Variants in TMEM74 observed in about 807,000 individuals in gnomAD.
TMEM74 encodes transmembrane protein 74.
Under a neutral mutation model 18.1 loss-of-function variants are expected in TMEM74, and 13 were observed. The ratio of observed to expected loss-of-function variants is 0.72; its 90% CI spans 0.47 to 1.14. The LOEUF (loss-of-function observed/expected upper bound fraction) is 1.14. Among genes scored for constraint, TMEM74 ranks in the 50% most tolerant of loss-of-function variants. The pLI, the probability that TMEM74 is intolerant of heterozygous loss-of-function variation, is 0.00. For synonymous variants in TMEM74, 159 were observed against 146.6 expected (o/e 1.08, Z -0.61); for missense variants, 372 against 375.9 (o/e 0.99, Z 0.09).
chr8:108,781,049 T>G lies in TMEM74; in HGVS notation c.*3132A>C, dbSNP rs908458170. 1.3e-5 allele frequency among the ~76,000 whole-genome samples: 2 copies of G among 150,506 alleles called. No homozygotes were observed. Among genetic ancestry groups the G allele is most frequent in the African/African-American group, 4.9e-5 (2 of 40,890 alleles). On this transcript the variant is annotated 3_prime_UTR_variant, in exon 2 of 2. Transcript: ENST00000297459. Reference sequence around the variant, plus strand: ...CAGTAATAAAGGAGAAAGACAGCTTTCTTTCTGTAACTCACCCCATTGGGC... The same window carrying G: ...CAGTAATAAAGGAGAAAGACAGCTTGCTTTCTGTAACTCACCCCATTGGGC...
chr8:108,630,760 A>C (rs969949682), intron 2 of TMEM74, among the ~76,000 whole-genome samples: 1 of 152,086 alleles, frequency 6.6e-6, no homozygotes, highest in Admixed American at 6.6e-5. Context: ...GGCAGAAATC[A>C]AAAAGTTCTT....
intron 1 of TMEM74, among the ~76,000 whole-genome samples, chr8:108,751,550 A>G (rs974244934): frequency 2.6e-5 from 4 of 152,168 alleles, no homozygotes; most frequent in Non-Finnish European, 5.9e-5. Context: ...TTACAAATTT[A>G]TATGTAAAAA....
intron 1 of TMEM74, among the ~76,000 whole-genome samples, chr8:108,733,999 T>C (rs1248731301): frequency 6.6e-6 from 1 of 152,232 alleles, no homozygotes; most frequent in African/African-American, 2.4e-5. Flanking sequence ...TCAACCTGAC[T>C]GGATTAAGGG....
chr8:108,629,366 C>G lies in TMEM74; in HGVS notation n.265-20540G>C, dbSNP rs139360009. 3.3e-5 allele frequency among the ~76,000 whole-genome samples: 5 copies of G among 152,062 alleles called. No homozygotes were observed. In the East Asian group the frequency reaches 9.7e-4, roughly 30 times the overall value. On this transcript the variant is annotated intron_variant and non_coding_transcript_variant, in intron 2 of 3. Transcript: ENST00000518838. ...ACCAAGCCTATGATTGATTGGTATA[C>G]CTGAAAGTGACAGGGAGAATGGAAC...
chr8:108,675,021 C>A (rs1029958870), intron 1 of TMEM74, among the ~76,000 whole-genome samples: 3 of 152,128 alleles, frequency 2.0e-5, no homozygotes, highest in Admixed American at 6.5e-5. Flanking sequence ...GGAGTTAATA[C>A]CCTTAGCCTT....
chr8:108,622,757 A>G (rs962879617), intron 2 of TMEM74, among the ~76,000 whole-genome samples: 1 of 152,130 alleles, frequency 6.6e-6, no homozygotes, highest in African/African-American at 2.4e-5. Context: ...AATCTATCTG[A>G]ATAAAAACAG....
At chr8:108,761,565 T>C (rs1814044556) in intron 1 of TMEM74, among the ~76,000 whole-genome samples, 1 of 152,130 alleles carries the variant, frequency 6.6e-6, no homozygotes, top group African/African-American at 2.4e-5. Flanking sequence ...CTTATTCGTG[T>C]TCAGGAAAAT....
At chr8:108,701,221 C>T (rs185376573) in intron 1 of TMEM74, among the ~76,000 whole-genome samples, 171 of 151,424 alleles carry the variant, frequency 1.1e-3, no homozygotes, top group Middle Eastern at 6.8e-3. Flanking sequence ...AAACAACTCT[C>T]TACAAGCTAG....
chr8:108,747,520 G>A (rs1000247759), intron 1 of TMEM74, among the ~76,000 whole-genome samples: 6 of 151,880 alleles, frequency 4.0e-5, no homozygotes, highest in African/African-American at 1.5e-4. Flanking sequence ...ATGATCTCCA[G>A]CAGCAGAAGC....
At chr8:108,627,644 T>C (rs574231370) in intron 2 of TMEM74, among the ~76,000 whole-genome samples, 1 of 152,138 alleles carries the variant, frequency 6.6e-6, no homozygotes, top group East Asian at 1.9e-4. Flanking sequence ...CCTTTTGCAA[T>C]GTGGTCACTA....
chr8:108,628,483 T>G (rs898791037), intron 2 of TMEM74, among the ~76,000 whole-genome samples: 1 of 152,094 alleles, frequency 6.6e-6, no homozygotes, highest in Non-Finnish European at 1.5e-5. Flanking sequence ...TATGGCTGCA[T>G]AGTATTTTAT....
At chr8:108,692,426 T>G (rs1813240541) in intron 1 of TMEM74, among the ~76,000 whole-genome samples, 1 of 152,194 alleles carries the variant, frequency 6.6e-6, no homozygotes, top group South Asian at 2.1e-4. Flanking sequence ...ACCAATCCCA[T>G]TTTGTTCTCT....
chr8:108,627,550 A>T (rs1241510758), intron 2 of TMEM74, among the ~76,000 whole-genome samples: 2 of 152,070 alleles, frequency 1.3e-5, no homozygotes, highest in Non-Finnish European at 2.9e-5. Flanking sequence ...TAAGCACTCA[A>T]TAGAGTTTAA....
intron 1 of TMEM74, among the ~76,000 whole-genome samples, chr8:108,743,995 C>T (rs143907072): frequency 2.4e-3 from 370 of 151,962 alleles, no homozygotes; most frequent in Non-Finnish European, 3.7e-3. Flanking sequence ...ATCCTATTTT[C>T]TTAGCTGAAG....
chr8:108,669,653 A>ACTG (rs34115884), intron 1 of TMEM74, among the ~76,000 whole-genome samples: 109,534 of 151,740 alleles, frequency 0.72, 40,036 homozygotes, highest in East Asian at 0.99. Context: ...TATATACTTG[A>ACTG]CTATTTCCAT....
At position 108,782,759 on chromosome 8, in the gene TMEM74, C is replaced by G. The variant is rs978758853; in HGVS notation, c.*1422G>C. Among the ~76,000 whole-genome samples, 2 of 152,168 alleles carry G rather than the reference C, an allele frequency of 1.3e-5. No individual in the cohort carries two copies. Among genetic ancestry groups the G allele is most frequent in the Non-Finnish European group, 2.9e-5 (2 of 68,044 alleles). On this transcript the variant is annotated 3_prime_UTR_variant, in exon 2 of 2. Transcript: ENST00000297459. ...CTCCTGTCCTCTTTTTAAGAATGAC[C>G]CCCTGATCCTGGTAACACAATCATG...
At chr8:108,745,942 C>T (rs1019680375) in intron 1 of TMEM74, among the ~76,000 whole-genome samples, 5 of 152,096 alleles carry the variant, frequency 3.3e-5, no homozygotes, top group South Asian at 2.1e-4. Flanking sequence ...GTCATGTACC[C>T]GCTGTTTGCT....
In TMEM74 at chr8:108,786,486, C is replaced by G. The variant is rs1814386857; in HGVS notation, c.-40+990G>C. On this transcript the variant is annotated intron_variant, in intron 1 of 1. Transcript: ENST00000297459. ...CAGGCAAGGGTCACCTAAGGTCAACCTGGCAACTCAAAATATGGGAGAGGG... is the reference window on the plus strand; with the variant it reads ...CAGGCAAGGGTCACCTAAGGTCAACGTGGCAACTCAAAATATGGGAGAGGG... Among the ~76,000 whole-genome samples, 3 of 152,180 alleles carry G rather than the reference C, an allele frequency of 2.0e-5. No individual in the cohort carries two copies. In the South Asian group the frequency reaches 6.2e-4, roughly 32 times the overall value.
At chr8:108,727,748 C>T (rs1396810832) in intron 1 of TMEM74, among the ~76,000 whole-genome samples, 2 of 152,002 alleles carry the variant, frequency 1.3e-5, no homozygotes, top group Admixed American at 1.3e-4. Flanking sequence ...GATCACCAAC[C>T]AAAATTGTGT....
Sources: allele counts gnomAD v4.1 joint callset (sites outside exome capture counted in the v4.1 genomes callset), GRCh38; gene constraint gnomAD v4.1.1; transcripts MANE v1.5; gene names NCBI Gene and HGNC (gene_info 2026-07-23, HGNC 2026-07-21).